Variants in CR1 observed in about 807,000 individuals in gnomAD.
CR1 encodes complement C3b/C4b receptor 1 (Knops blood group).
CR1 carries 116 observed loss-of-function variants against 187.3 expected under a neutral mutation model. The ratio of observed to expected loss-of-function variants is 0.62; its 90% CI spans 0.53 to 0.72. The LOEUF (loss-of-function observed/expected upper bound fraction) is 0.72, where lower values mean the gene tolerates loss of function less well. Ranked by LOEUF, CR1 falls within the 30% of genes least tolerant of loss-of-function variation. The pLI is 0.00. For missense variants in CR1, 1,731 were observed against 2,110.7 expected, an observed-to-expected ratio of 0.82 and a Z score of 3.52; for synonymous variants, 576 against 747.1, an observed-to-expected ratio of 0.77 and a Z score of 3.73.
chr1:207,596,389 A>G (rs1487234711), intron 35 of CR1, among the ~76,000 whole-genome samples: 1 of 151,918 alleles, frequency 6.6e-6, no homozygotes, highest in Non-Finnish European at 1.5e-5. Flanking sequence ...TGAGGCGGGC[A>G]GAACACCTGA....
Position 207,499,495 on chromosome 1 carries a change from G to A in CR1, c.121+3107G>A, listed in dbSNP as rs185095648. ...GGCAGATTCAGCAGGCAGAAAATCC[G>A]TAAGGACATACTTGAATTCAACAGC... On this transcript the variant is annotated intron_variant, in intron 1 of 46. Transcript: ENST00000367049. Among the ~76,000 whole-genome samples, 50 of 152,264 alleles carry A rather than the reference G, an allele frequency of 3.3e-4. No individual in the cohort carries two copies. The Middle Eastern group carries it at 0.02, about 62-fold the overall frequency.
At chr1:207,564,320 A>C in intron 23 of CR1, 86 bp downstream of exon 23, 1 of 1,577,690 alleles carries the variant, frequency 6.3e-7, no homozygotes, top group Non-Finnish European at 8.5e-7. Context: ...GTGGCTTAAA[A>C]GAAAGACACA....
intron 4 of CR1, among the ~76,000 whole-genome samples, chr1:207,516,781 C>T (rs914674886): frequency 6.6e-6 from 1 of 152,016 alleles, no homozygotes; most frequent in African/African-American, 2.4e-5. Flanking sequence ...CTTAGATATG[C>T]ACCTGTTTCA....
At chr1:207,580,182 G>T in intron 29 of CR1, 58 bp from the exon 30 acceptor site, 2 of 1,590,946 alleles carry the variant, frequency 1.3e-6, no homozygotes, top group Non-Finnish European at 1.7e-6. Context: ...GAGGTCTTCA[G>T]GAAGCATAGG....
chr1:207,622,197 A>G (rs1194917699), intron 44 of CR1, among the ~76,000 whole-genome samples: 1 of 152,264 alleles, frequency 6.6e-6, no homozygotes, highest in African/African-American at 2.4e-5. Flanking sequence ...CGTCATATGC[A>G]TACTAAATAA....
intron 4 of CR1, among the ~76,000 whole-genome samples, chr1:207,514,987 A>ATG (rs1475035312): frequency 1.6e-5 from 2 of 128,500 alleles, no homozygotes; most frequent in African/African-American, 3.3e-5. Context: ...TAACATATAT[A>ATG]TATATATACA....
At chr1:207,575,819 T>C (rs1390275623) in intron 28 of CR1, 139 bp downstream of exon 28, 2 of 1,381,966 alleles carry the variant, frequency 1.4e-6, no homozygotes, top group Non-Finnish European at 2.0e-6. Flanking sequence ...ATCCTTAAAA[T>C]GGCTCACAGC....
At chr1:207,613,757 A>T in intron 39 of CR1, among the ~76,000 whole-genome samples, 1 of 152,278 alleles carries the variant, frequency 6.6e-6, no homozygotes, top group East Asian at 1.9e-4. Flanking sequence ...CCACCTAATA[A>T]TGATTTCCAA....
At chr1:207,638,611 C>T (rs1366531198) in intron 46 of CR1, among the ~76,000 whole-genome samples, 1 of 152,210 alleles carries the variant, frequency 6.6e-6, no homozygotes, top group Non-Finnish European at 1.5e-5. Flanking sequence ...CTTCCAAACC[C>T]TCCTGTTCTT....
At chr1:207,503,016 T>C (rs1050617108) in intron 1 of CR1, among the ~76,000 whole-genome samples, 2 of 152,170 alleles carry the variant, frequency 1.3e-5, no homozygotes, top group South Asian at 4.1e-4. Flanking sequence ...GAAAATGAAC[T>C]CTTGGAAGCA....
intron 46 of CR1, among the ~76,000 whole-genome samples, chr1:207,633,563 T>C (rs2102417919): frequency 6.6e-6 from 1 of 152,336 alleles, no homozygotes; most frequent in African/African-American, 2.4e-5. Context: ...AGTTGCTTAT[T>C]TATTCTTCAA....
At chr1:207,614,609 A>T in intron 40 of CR1, 120 bp downstream of exon 40, 1 of 693,154 alleles carries the variant, frequency 1.4e-6, no homozygotes, top group Non-Finnish European at 2.3e-6. Context: ...GGATAAAAAT[A>T]CTTCTTTGTT....
chr1:207,510,764 T>TCCTTCCTTCCTC (rs1558217058), intron 3 of CR1, among the ~76,000 whole-genome samples: 1 of 150,528 alleles, frequency 6.6e-6, no homozygotes, highest in African/African-American at 2.4e-5. Context: ...CTTCCTTCCT[T>TCCTTCCTTCCTC]CCTCCCTCCC....
intron 41 of CR1, 26 bp from the exon 42 acceptor site, chr1:207,618,045 G>A (rs749353775): frequency 6.2e-7 from 1 of 1,603,128 alleles, no homozygotes; most frequent in Non-Finnish European, 8.5e-7. Flanking sequence ...GTCTTTTCTT[G>A]TGTTTGTGTG....
intron 35 of CR1, among the ~76,000 whole-genome samples, chr1:207,592,641 G>A (rs768625258): frequency 2.6e-5 from 4 of 152,206 alleles, no homozygotes; most frequent in South Asian, 2.1e-4. Flanking sequence ...AATAGGAAGA[G>A]AGGAAGTCAA....
chr1:207,616,753 T>C lies in CR1; in HGVS notation c.6840T>C (p.Asn2280=). 1.2e-6 allele frequency: 2 copies of C among 1,613,980 alleles called. No individual in the cohort carries two copies. The highest frequency in any genetic ancestry group is 1.1e-5 in the South Asian group (1 of 91,070). ...GCTGCACAAGTGACCCTCAAGGGAA[T>C]GGGGTTTGGAGCAGCCCTGCCCCTC... is the stretch of plus-strand genomic sequence containing the variant. ...SIRCTSDPQG[N]GVWSSPAPRC... is the part of the protein sequence containing the mutation. The change falls in exon 41 of 47, where the codon AAT becomes AAC. Residue 2280 remains asparagine (N), a synonymous_variant. Transcript: ENST00000367049.
intron 44 of CR1, among the ~76,000 whole-genome samples, chr1:207,622,276 T>A (rs533032730): frequency 1.3e-5 from 2 of 152,316 alleles, no homozygotes; most frequent in East Asian, 3.9e-4. Context: ...GTGTCAAAAA[T>A]TCTTTATTTG....
chr1:207,618,947 G>A (rs1349106291), intron 42 of CR1, among the ~76,000 whole-genome samples: 1 of 144,982 alleles, frequency 6.9e-6, no homozygotes, highest in South Asian at 2.1e-4. Context: ...GCTGAGGCAT[G>A]AGAATCACTT....
At chr1:207,621,596 C>G (rs967301986) in intron 43 of CR1, among the ~76,000 whole-genome samples, 5 of 152,014 alleles carry the variant, frequency 3.3e-5, no homozygotes, top group African/African-American at 1.2e-4. Context: ...GATGCATCTA[C>G]TAGATTATGT....
Sources: gnomAD v4.1 joint callset for allele counts (sites outside exome capture counted in the v4.1 genomes callset) on GRCh38, gnomAD v4.1.1 for gene constraint, MANE v1.5 for transcripts, NCBI Gene and HGNC (gene_info 2026-07-23, HGNC 2026-07-21) for gene names.